BIRC6: variants seen among roughly 807,000 people sequenced by gnomAD.
BIRC6 encodes the protein baculoviral IAP repeat containing 6.
A neutral mutation model predicts 503.3 loss-of-function variants in BIRC6; 98 were observed. The ratio of observed to expected loss-of-function variants is 0.19; its 90% CI spans 0.17 to 0.23. BIRC6 has a LOEUF of 0.23. Ranked by LOEUF, BIRC6 falls within the 10% of genes least tolerant of loss-of-function variation. The pLI, the probability that BIRC6 is intolerant of heterozygous loss-of-function variation, is 1.00. For missense variants in BIRC6, 5,360 were observed against 5,806.0 expected (o/e 0.92, Z 2.50); for synonymous variants, 2,240 against 2,078.7 (o/e 1.08, Z -2.11).
intron 65 of BIRC6, among the ~76,000 whole-genome samples, chr2:32,571,716 T>C (rs982583603): frequency 6.6e-6 from 1 of 152,094 alleles, no homozygotes; most frequent in Non-Finnish European, 1.5e-5. Flanking sequence ...TGCTGATGCT[T>C]TGTATATTTT....
intron 10 of BIRC6, among the ~76,000 whole-genome samples, chr2:32,428,672 CAG>C (rs2043785713): frequency 6.6e-6 from 1 of 152,074 alleles, no homozygotes; most frequent in African/African-American, 2.4e-5. Context: ...TTTCCTGTGA[CAG>C]AGATTTTAAA....
Position 32,415,396 on chromosome 2 carries a change from A to C in BIRC6, c.2105A>C (p.Asp702Ala). ...ADAAANLTSP[D>A]SEKWNSVFPK... ...GCAGCAGCCAACCTTACCTCTCCGGATTCTGAGAAGTGGAACTCTGTGTTT... is the reference window on the plus strand; with the variant it reads ...GCAGCAGCCAACCTTACCTCTCCGGCTTCTGAGAAGTGGAACTCTGTGTTT... Residue 702 changes from aspartate to alanine, a missense_variant, in exon 10 of 74, where the codon GAT (aspartate) becomes GCT (alanine). Transcript: ENST00000421745. The C allele has an allele frequency of 6.2e-7, 1 of 1,613,988 alleles. No homozygotes were observed. Among genetic ancestry groups the C allele is most frequent in the African/African-American group, 1.3e-5 (1 of 75,038 alleles).
chr2:32,526,455 G>A (rs1291766747), intron 59 of BIRC6: 1 of 152,148 alleles, frequency 6.6e-6, no homozygotes, highest in African/African-American at 2.4e-5. Context: ...ATAAAAAGAG[G>A]AAGTATTTAT....
intron 3 of BIRC6, 104 bp downstream of exon 3, chr2:32,380,394 A>AT: frequency 7.2e-7 from 1 of 1,379,396 alleles, no homozygotes. Context: ...CTAATTCTAG[A>AT]TTTTTCTTTT....
At chr2:32,368,423 C>T (rs534277698) in intron 1 of BIRC6, among the ~76,000 whole-genome samples, 18 of 152,080 alleles carry the variant, frequency 1.2e-4, no homozygotes, top group Non-Finnish European at 2.4e-4. Context: ...CCCTGTAATC[C>T]CAGCTACTCA....
chr2:32,481,917 A>C (rs913460256), intron 38 of BIRC6, among the ~76,000 whole-genome samples: 2 of 152,254 alleles, frequency 1.3e-5, no homozygotes, highest in Non-Finnish European at 2.9e-5. Flanking sequence ...TATAGGTACT[A>C]CTATTGTAGT....
chr2:32,436,974 C>T (rs1049260310), intron 15 of BIRC6, among the ~76,000 whole-genome samples: 8 of 150,888 alleles, frequency 5.3e-5, no homozygotes, highest in Non-Finnish European at 1.2e-4. Flanking sequence ...CTGCAACACC[C>T]GCCTCCCAGG....
chr2:32,439,523 A>G lies in BIRC6; in HGVS notation c.3647A>G (p.Lys1216Arg). 6.2e-7 allele frequency: 1 copy of G among 1,613,478 alleles called. No individual in the cohort carries two copies. The highest frequency in any genetic ancestry group is 1.1e-5 in the South Asian group (1 of 90,926). Residue 1216 changes from lysine (K) to arginine (R), a missense_variant, in exon 16 of 74, where the codon AAA (lysine) becomes AGA (arginine). This residue lies in a region of BIRC6 where 2,299 missense variants were observed against 2,267.2 expected (regional missense o/e 1.01). Coordinates refer to ENST00000421745, the MANE Select transcript of BIRC6 (RefSeq NM_016252.4). ...ACTTCTCTAGGTATGGCAGGAGGAAAATATCGTTCGTTTTTAATCCATGTC... is the reference window on the plus strand; with the variant it reads ...ACTTCTCTAGGTATGGCAGGAGGAAGATATCGTTCGTTTTTAATCCATGTC... ...PKLVKGMAGG[K>R]YRSFLIHVKA...
Position 32,531,411 on chromosome 2 carries a change from G to C in BIRC6, c.12151G>C (p.Glu4051Gln). ...AGATGAGGCTCTCACTCCAGGTGAT[G>C]AATGCATGGATGGGATACTGGATGA... The part of the protein sequence containing the change: ...PEDEALTPGD[E>Q]CMDGILDESL... Residue 4051 changes from glutamate to glutamine, a missense_variant, in exon 61 of 74, where the codon GAA becomes CAA. Glu to Gln is a conservative substitution (Grantham distance 29, BLOSUM62 2). This residue lies in a region of BIRC6 where 878 missense variants were observed against 928.9 expected (regional missense o/e 0.95). Coordinates refer to ENST00000421745, the MANE Select transcript of BIRC6 (RefSeq NM_016252.4). 1 of 1,613,848 alleles carries C rather than the reference G, an allele frequency of 6.2e-7. No homozygotes were observed. The highest frequency in any genetic ancestry group is 1.1e-5 in the South Asian group (1 of 91,062).
chr2:32,439,369 G>A, intron 15 of BIRC6, 139 bp from the exon 16 acceptor site: 1 of 821,050 alleles, frequency 1.2e-6, no homozygotes, highest in Non-Finnish European at 1.9e-6. Flanking sequence ...ACTTTCTTCT[G>A]CTCAAACAGT....
intron 23 of BIRC6, among the ~76,000 whole-genome samples, chr2:32,454,985 T>C (rs962590608): frequency 6.6e-6 from 1 of 152,230 alleles, no homozygotes; most frequent in South Asian, 2.1e-4. Flanking sequence ...TAGAAACTTT[T>C]ACATTTACAC....
intron 16 of BIRC6, 62 bp downstream of exon 16, chr2:32,439,748 C>T (rs1201725464): frequency 1.4e-6 from 2 of 1,462,212 alleles, no homozygotes; most frequent in African/African-American, 2.8e-5. Context: ...TCAGATTTAA[C>T]ACACTATTAG....
chr2:32,464,765 T>C lies in BIRC6; in HGVS notation c.5198T>C (p.Ile1733Thr), dbSNP rs758278751. ...GCACAGCTTTTCCCAGGCTCAGTCA[T>C]TGATCCCCCAGCAGTCAATCTTGCT... ...ELAQLFPGSV[I>T]DPPAVNLAAH... The change falls in exon 25 of 74, where the codon ATT becomes ACT. Residue 1733 changes from isoleucine to threonine, a missense_variant. This residue lies in a region of BIRC6 where 2,299 missense variants were observed against 2,267.2 expected (regional missense o/e 1.01). Transcript: ENST00000421745. The C allele has an allele frequency of 6.2e-6, 10 of 1,613,916 alleles. No individual in the cohort carries two copies. The highest frequency in any genetic ancestry group is 2.7e-5 in the African/African-American group (2 of 74,938).
At position 32,524,906 on chromosome 2, in the gene BIRC6, C is replaced by A; in HGVS notation, c.11642C>A (p.Ala3881Asp). The change falls in exon 58 of 74, where the codon GCT becomes GAT. Residue 3881 changes from alanine (A) to aspartate (D), a missense_variant. Coordinates refer to ENST00000421745, the MANE Select transcript of BIRC6 (RefSeq NM_016252.4). ...CTTACAGATACTCCAAGTATCACAG[C>A]TAAATTAATTAGTGAACAAAAAGAT... is the stretch of plus-strand genomic sequence containing the variant. ...DRVSDTPSIT[A>D]KLISEQKDDK... 6.7e-7 allele frequency: 1 copy of A among 1,488,330 alleles called. No individual in the cohort carries two copies. The highest frequency in any genetic ancestry group is 9.0e-7 in the Non-Finnish European group (1 of 1,109,868). 92.2% of individuals were successfully genotyped at this position (1,488,330 alleles called of 1,614,324 possible). A position where few individuals can be genotyped will look rare whatever the true frequency, so the allele number is the denominator to read the frequency against.
intron 66 of BIRC6, among the ~76,000 whole-genome samples, chr2:32,583,403 T>A (rs2060817077): frequency 6.6e-6 from 1 of 152,230 alleles, no homozygotes; most frequent in Non-Finnish European, 1.5e-5. Context: ...CTGCATGGTG[T>A]TAAGTGTAAA....
rs2033214105 is a variant in BIRC6 at position 32,357,264 on chromosome 2, G to GCTGCGT, written c.104_105insTGCGTC (p.Ala36_Ser37dup). 2 of 1,521,538 alleles carry GCTGCGT rather than the reference G, an allele frequency of 1.3e-6. No homozygotes were observed. The highest frequency in any genetic ancestry group is 1.8e-6 in the Non-Finnish European group (2 of 1,138,260). 94.3% of individuals were successfully genotyped at this position (1,521,538 alleles called of 1,614,324 possible). On this transcript the variant is annotated inframe_insertion, in exon 1 of 74. Coordinates refer to ENST00000421745, the MANE Select transcript of BIRC6 (RefSeq NM_016252.4). The surrounding 1 kb of genome is among the most constrained non-coding windows in gnomAD (Gnocchi z 4.9). ...CCGGAAGATGGCGGCTGCGGCTGCG[G>GCTGCGT]CGGCCTCGGGCCCCGGCTGCTCCTC... is the stretch of plus-strand genomic sequence containing the variant.
chr2:32,505,098 C>G lies in BIRC6; in HGVS notation c.9593C>G (p.Ser3198Cys). ...PHRRARSAAWSYIFLPEEAWC... is the reference protein window; with the variant it reads ...PHRRARSAAWCYIFLPEEAWC... ...AGAAGAGCTCGCTCTGCTGCTTGGT[C>G]CTACATCTTTCTTCCAGAGGAGGCT... Residue 3198 changes from serine to cysteine, a missense_variant, in exon 50 of 74, where the codon TCC becomes TGC. Physicochemically the swap from Ser to Cys is moderately radical, Grantham distance 112. This residue lies in a region of BIRC6 where 267 missense variants were observed against 287.6 expected (regional missense o/e 0.93). Coordinates refer to ENST00000421745, the MANE Select transcript of BIRC6 (RefSeq NM_016252.4). 6.2e-7 allele frequency: 1 copy of G among 1,612,004 alleles called. No individual in the cohort carries two copies. The highest frequency in any genetic ancestry group is 8.5e-7 in the Non-Finnish European group (1 of 1,179,028).
chr2:32,531,405 G>A lies in BIRC6; in HGVS notation c.12145G>A (p.Gly4049Ser), dbSNP rs758549232. 1.2e-6 allele frequency: 2 copies of A among 1,613,692 alleles called. No individual in the cohort carries two copies. The highest frequency in any genetic ancestry group is 2.7e-5 in the African/African-American group (2 of 74,902). ...SCPEDEALTP[G>S]DECMDGILDE... ...TCCAGAAGATGAGGCTCTCACTCCAGGTGATGAATGCATGGATGGGATACT... is the reference window on the plus strand; with the variant it reads ...TCCAGAAGATGAGGCTCTCACTCCAAGTGATGAATGCATGGATGGGATACT... Residue 4049 changes from glycine (G) to serine (S), a missense_variant, in exon 61 of 74, where the codon GGT becomes AGT. By Grantham distance (56) the Gly-to-Ser change is moderately conservative (BLOSUM62 0). This residue lies in a region of BIRC6 where 878 missense variants were observed against 928.9 expected (regional missense o/e 0.95). Coordinates refer to ENST00000421745, the MANE Select transcript of BIRC6 (RefSeq NM_016252.4).
intron 9 of BIRC6, among the ~76,000 whole-genome samples, chr2:32,408,245 G>A (rs2041464429): frequency 6.6e-6 from 1 of 152,098 alleles, no homozygotes; most frequent in Non-Finnish European, 1.5e-5. Flanking sequence ...TAGGATTACA[G>A]GCGTGAGCCA....
Sources: gnomAD v4.1 joint callset for allele counts (sites outside exome capture counted in the v4.1 genomes callset) on GRCh38, gnomAD v4.1.1 for gene constraint, gnomAD v4.1.1 regional missense constraint, Gnocchi (gnomAD v3.1) non-coding constraint, MANE v1.5 for transcripts, NCBI Gene and HGNC (gene_info 2026-07-23, HGNC 2026-07-21) for gene names.